ABTB3: variants seen among roughly 807,000 people sequenced by gnomAD.
ABTB3 encodes ankyrin repeat and BTB domain containing 3.
chr12:107,519,731 G>A, the ABTB3 span, among the ~76,000 whole-genome samples: 1 of 152,170 alleles, frequency 6.6e-6, no homozygotes, highest in Non-Finnish European at 1.5e-5. Context: ...TTTGAACAAA[G>A]TAAATCAAGT....
At chr12:107,322,849 T>G in the ABTB3 span, among the ~76,000 whole-genome samples, 1 of 152,246 alleles carries the variant, frequency 6.6e-6, no homozygotes, top group Non-Finnish European at 1.5e-5. Flanking sequence ...ATGAGTTCCC[T>G]GCCTTCAGGC....
At chr12:107,645,764 T>C in the ABTB3 span, among the ~76,000 whole-genome samples, 62 of 152,286 alleles carry the variant, frequency 4.1e-4, 1 homozygote, top group Non-Finnish European at 7.1e-4. Context: ...GAGACCTCCA[T>C]GGGAAACGGC....
At chr12:107,321,333 T>C in the ABTB3 span, among the ~76,000 whole-genome samples, 1 of 152,136 alleles carries the variant, frequency 6.6e-6, no homozygotes, top group Non-Finnish European at 1.5e-5. Flanking sequence ...GTAAGTGTGC[T>C]TGTGAGTGTG....
chr12:107,489,225 A>T, the ABTB3 span, among the ~76,000 whole-genome samples: 1 of 152,184 alleles, frequency 6.6e-6, no homozygotes, highest in Non-Finnish European at 1.5e-5. Flanking sequence ...AAGGCCATTT[A>T]AAAAACAAAT....
At chr12:107,543,051 T>C in the ABTB3 span, among the ~76,000 whole-genome samples, 1 of 152,096 alleles carries the variant, frequency 6.6e-6, no homozygotes, top group South Asian at 2.1e-4. Context: ...TTTACTTTTA[T>C]AGGGCAGAGC....
the ABTB3 span, among the ~76,000 whole-genome samples, chr12:107,466,680 G>A: frequency 1.3e-5 from 2 of 151,876 alleles, no homozygotes; most frequent in Non-Finnish European, 2.9e-5. Context: ...GTTGATGCCG[G>A]GCTATTTCAG....
the ABTB3 span, among the ~76,000 whole-genome samples, chr12:107,558,381 C>G: frequency 1.1e-4 from 16 of 152,310 alleles, no homozygotes; most frequent in African/African-American, 3.8e-4. Context: ...TGCAGGTGCT[C>G]CAGGATGCCC....
the ABTB3 span, among the ~76,000 whole-genome samples, chr12:107,511,015 G>A: frequency 6.6e-6 from 1 of 152,176 alleles, no homozygotes; most frequent in Admixed American, 6.5e-5. Context: ...ATCTACCCGA[G>A]AGAAGAGAGT....
chr12:107,610,166 CATG>C, the ABTB3 span: 1 of 1,614,102 alleles, frequency 6.2e-7, no homozygotes, highest in South Asian at 1.1e-5. Flanking sequence ...GCTGTACCCG[CATG>C]ATGTCTCTTC....
chr12:107,577,998 TTGTTC>T, the ABTB3 span, among the ~76,000 whole-genome samples: 1 of 151,782 alleles, frequency 6.6e-6, no homozygotes, highest in Non-Finnish European at 1.5e-5. Context: ...CAGTGGAACA[TTGTTC>T]TCTTAAAAAA....
the ABTB3 span, among the ~76,000 whole-genome samples, chr12:107,608,849 C>T: frequency 0.043 from 6,201 of 143,302 alleles, 491 homozygotes; most frequent in African/African-American, 0.15. Context: ...CTAGCCTGGG[C>T]GACAGAGCAA....
At chr12:107,403,364 G>A in the ABTB3 span, among the ~76,000 whole-genome samples, 1 of 152,070 alleles carries the variant, frequency 6.6e-6, no homozygotes, top group Non-Finnish European at 1.5e-5. Flanking sequence ...GTTTCACCGG[G>A]CTCTATTTCC....
the ABTB3 span, among the ~76,000 whole-genome samples, chr12:107,338,139 C>T: frequency 6.6e-6 from 1 of 152,190 alleles, no homozygotes; most frequent in Non-Finnish European, 1.5e-5. Flanking sequence ...TTCCTCCTGA[C>T]TAACTCAAAT....
At chr12:107,629,072 C>A in the ABTB3 span, among the ~76,000 whole-genome samples, 2 of 152,178 alleles carry the variant, frequency 1.3e-5, no homozygotes, top group Non-Finnish European at 2.9e-5. Flanking sequence ...TGTCACCCCC[C>A]AAATTCACAG....
At chr12:107,405,224 G>A in the ABTB3 span, among the ~76,000 whole-genome samples, 5 of 152,148 alleles carry the variant, frequency 3.3e-5, no homozygotes, top group African/African-American at 1.2e-4. Context: ...TATGTGAATG[G>A]CGCCCTCTAG....
At chr12:107,386,108 C>T in the ABTB3 span, among the ~76,000 whole-genome samples, 1 of 152,236 alleles carries the variant, frequency 6.6e-6, no homozygotes. Context: ...TTCTCTCCTG[C>T]CTCAGGGCCT....
chr12:107,501,929 G>A, the ABTB3 span, among the ~76,000 whole-genome samples: 1 of 152,110 alleles, frequency 6.6e-6, no homozygotes, highest in Admixed American at 6.5e-5. Context: ...CAGAAACTGT[G>A]ATTTGAGTCA....
At chr12:107,329,756 A>G in the ABTB3 span, among the ~76,000 whole-genome samples, 1 of 152,232 alleles carries the variant, frequency 6.6e-6, no homozygotes, top group Non-Finnish European at 1.5e-5. Flanking sequence ...ATTGCTTCAT[A>G]CATGTTGGCT....
chr12:107,529,399 G>C, the ABTB3 span, among the ~76,000 whole-genome samples: 1 of 151,948 alleles, frequency 6.6e-6, no homozygotes, highest in South Asian at 2.1e-4. Context: ...TGATGATGAT[G>C]GTGATGATGA....
Sources: allele counts gnomAD v4.1 joint callset (sites outside exome capture counted in the v4.1 genomes callset), GRCh38; gene constraint gnomAD v4.1.1; transcripts MANE v1.5; gene names NCBI Gene and HGNC (gene_info 2026-07-23, HGNC 2026-07-21).